Variants in CNTNAP5 observed in about 807,000 individuals in gnomAD.
The protein encoded by CNTNAP5 is contactin associated protein family member 5, also known as contactin-associated protein-like 5.
Under a neutral mutation model 150.2 loss-of-function variants are expected in CNTNAP5, and 72 were observed. The observed-to-expected ratio is 0.48, with a 90% CI of 0.40 to 0.58. CNTNAP5 has a LOEUF of 0.58. Among genes scored for constraint, CNTNAP5 ranks in the 20% least tolerant of loss-of-function variants. The pLI is 0.00. For synonymous variants in CNTNAP5, 672 were observed against 619.8 expected (o/e 1.08, Z -1.25); for missense variants, 1,636 against 1,626.2 (o/e 1.01, Z -0.10).
intron 3 of CNTNAP5, among the ~76,000 whole-genome samples, chr2:124,281,712 T>C (rs1688015933): frequency 6.6e-6 from 1 of 152,156 alleles, no homozygotes; most frequent in African/African-American, 2.4e-5. Context: ...AATGAGCTTT[T>C]GCTTGCTTTT....
At chr2:124,481,888 T>G (rs1290029353) in intron 7 of CNTNAP5, among the ~76,000 whole-genome samples, 1 of 152,162 alleles carries the variant, frequency 6.6e-6, no homozygotes, top group African/African-American at 2.4e-5. Flanking sequence ...GAAATGAATA[T>G]AATTGGGTCA....
At chr2:124,513,553 C>G (rs568788454) in intron 8 of CNTNAP5, among the ~76,000 whole-genome samples, 2 of 152,172 alleles carry the variant, frequency 1.3e-5, no homozygotes, top group Non-Finnish European at 2.9e-5. Context: ...GCTTACCACA[C>G]GTCTTCCATA....
chr2:124,679,319 G>T (rs1679010509), intron 13 of CNTNAP5, among the ~76,000 whole-genome samples: 1 of 151,828 alleles, frequency 6.6e-6, no homozygotes, highest in African/African-American at 2.4e-5. Context: ...ATTAATAGGA[G>T]GATCTGGCTA....
chr2:124,588,237 TTC>T (rs749058120), intron 11 of CNTNAP5, among the ~76,000 whole-genome samples: 1 of 147,280 alleles, frequency 6.8e-6, no homozygotes, highest in Admixed American at 6.9e-5. Context: ...TCTTTCTTTC[TTC>T]TTTCTTTATT....
At chr2:124,125,632 A>T (rs1215722731) in intron 1 of CNTNAP5, among the ~76,000 whole-genome samples, 7 of 152,208 alleles carry the variant, frequency 4.6e-5, no homozygotes, top group Non-Finnish European at 8.8e-5. Flanking sequence ...ACCACATCAC[A>T]CTTATTCCAA....
intron 11 of CNTNAP5, among the ~76,000 whole-genome samples, chr2:124,607,861 G>C (rs12466900): frequency 0.55 from 83,445 of 151,982 alleles, 23,469 homozygotes; most frequent in Non-Finnish European, 0.59. Flanking sequence ...AAACACCCAA[G>C]GGCATTATCA....
At chr2:124,891,728 A>G (rs1678199292) in intron 21 of CNTNAP5, among the ~76,000 whole-genome samples, 1 of 152,122 alleles carries the variant, frequency 6.6e-6, no homozygotes. Context: ...CTGCCTATCC[A>G]GCATTCAATA....
chr2:124,313,939 C>G (rs1688895670), intron 3 of CNTNAP5, among the ~76,000 whole-genome samples: 1 of 152,224 alleles, frequency 6.6e-6, no homozygotes, highest in Non-Finnish European at 1.5e-5. Flanking sequence ...CATCTTCAGA[C>G]TTAGAACTAA....
In CNTNAP5 at chr2:124,845,566, A is replaced by G. The variant is rs986817320; in HGVS notation, c.3218-19740A>G. Among the ~76,000 whole-genome samples the G allele has an allele frequency of 4.0e-5, 6 of 151,810 alleles. 1 individual carries two copies. Among genetic ancestry groups the G allele is most frequent in the Non-Finnish European group, 8.8e-5 (6 of 67,924 alleles). On this transcript the variant is annotated intron_variant, in intron 19 of 23. Coordinates refer to ENST00000682447, the MANE Select transcript of CNTNAP5 (RefSeq NM_001367498.1). ...AATAGTGTCTATAGGATTGGTACCAATTCTTCTTTGAATTAATGATAGAAT... is the reference window on the plus strand; with the variant it reads ...AATAGTGTCTATAGGATTGGTACCAGTTCTTCTTTGAATTAATGATAGAAT...
At chr2:124,872,505 T>A (rs1206005720) in intron 21 of CNTNAP5, among the ~76,000 whole-genome samples, 1 of 127,762 alleles carries the variant, frequency 7.8e-6, no homozygotes, top group Non-Finnish European at 1.5e-5. Flanking sequence ...AAAATAAGAT[T>A]TTTTTTTTTT....
chr2:124,122,846 C>A (rs1683598886), intron 1 of CNTNAP5, among the ~76,000 whole-genome samples: 1 of 151,820 alleles, frequency 6.6e-6, no homozygotes, highest in Admixed American at 6.6e-5. Context: ...ACTGAGGGCT[C>A]TTTGACACCC....
intron 19 of CNTNAP5, among the ~76,000 whole-genome samples, chr2:124,838,239 G>T (rs2104689284): frequency 6.6e-6 from 1 of 152,280 alleles, no homozygotes; most frequent in South Asian, 2.1e-4. Flanking sequence ...AGTAGAAGTA[G>T]ATACTATGAT....
chr2:124,112,916 C>A (rs1221113697), intron 1 of CNTNAP5, among the ~76,000 whole-genome samples: 1 of 152,068 alleles, frequency 6.6e-6, no homozygotes, highest in Non-Finnish European at 1.5e-5. Flanking sequence ...TCATTATTTT[C>A]ATTAGCAATC....
intron 13 of CNTNAP5, among the ~76,000 whole-genome samples, chr2:124,713,331 CTTTCTT>C (rs1679872392): frequency 1.1e-5 from 1 of 93,370 alleles, no homozygotes; most frequent in Non-Finnish European, 2.1e-5. Context: ...TTCTTTCTTT[CTTTCTT>C]TCTTTCTTTC....
intron 13 of CNTNAP5, among the ~76,000 whole-genome samples, chr2:124,733,253 T>C (rs1230112178): frequency 6.6e-6 from 1 of 152,104 alleles, no homozygotes; most frequent in East Asian, 1.9e-4. Context: ...CTTGATATTG[T>C]ATAAAGAAAT....
intron 7 of CNTNAP5, among the ~76,000 whole-genome samples, chr2:124,500,227 G>A (rs1284125917): frequency 3.3e-5 from 5 of 152,094 alleles, no homozygotes; most frequent in African/African-American, 7.2e-5. Context: ...TGTTTAATCC[G>A]GGCACCTCAT....
intron 11 of CNTNAP5, among the ~76,000 whole-genome samples, chr2:124,604,351 G>A (rs1431828875): frequency 6.6e-6 from 1 of 152,060 alleles, no homozygotes; most frequent in Non-Finnish European, 1.5e-5. Flanking sequence ...GTTATTAAAT[G>A]TATTTTTATA....
At chr2:124,524,820 T>C (rs1451733060) in intron 9 of CNTNAP5, among the ~76,000 whole-genome samples, 2 of 152,192 alleles carry the variant, frequency 1.3e-5, no homozygotes, top group African/African-American at 4.8e-5. Flanking sequence ...CAGCAGTACC[T>C]GCAAGAGGCA....
At chr2:124,878,509 G>A (rs1272231547) in intron 21 of CNTNAP5, among the ~76,000 whole-genome samples, 2 of 151,692 alleles carry the variant, frequency 1.3e-5, no homozygotes, top group Non-Finnish European at 2.9e-5. Context: ...TTTCCCTTTT[G>A]GACTCTAATT....
Sources: gnomAD v4.1 joint callset for allele counts (sites outside exome capture counted in the v4.1 genomes callset) on GRCh38, gnomAD v4.1.1 for gene constraint, MANE v1.5 for transcripts, NCBI Gene and HGNC (gene_info 2026-07-23, HGNC 2026-07-21) for gene names.